The following SMAD4 variants were observed in gnomAD, a reference collection of about 807,000 sequenced individuals.
The protein encoded by SMAD4 is MAD homolog 4.
In SMAD4, 7 loss-of-function variants were observed where a neutral mutation model predicts 63.2. The ratio of observed to expected loss-of-function variants is 0.11; its 90% CI spans 0.06 to 0.21. The LOEUF is 0.21. SMAD4 is among the 10% of genes least tolerant of loss of function. The pLI is 1.00. For missense variants in SMAD4, 312 were observed against 693.8 expected, an observed-to-expected ratio of 0.45 and a Z score of 6.18; for synonymous variants, 215 against 235.4, an observed-to-expected ratio of 0.91 and a Z score of 0.79.
At chr18:51,039,673 A>G (rs1909316542) in intron 1 of SMAD4, among the ~76,000 whole-genome samples, 1 of 152,112 alleles carries the variant, frequency 6.6e-6, no homozygotes, top group Non-Finnish European at 1.5e-5. Context: ...GCTGTTTTAC[A>G]AATGGAGAAA....
chr18:51,043,862 G>T (rs539481503), intron 1 of SMAD4, among the ~76,000 whole-genome samples: 32 of 152,294 alleles, frequency 2.1e-4, no homozygotes, highest in African/African-American at 7.2e-4. Flanking sequence ...AAAAGTGTCT[G>T]CACTCTTCTA....
intron 8 of SMAD4, among the ~76,000 whole-genome samples, chr18:51,063,465 T>G (rs1910071527): frequency 6.6e-6 from 1 of 152,078 alleles, no homozygotes; most frequent in Non-Finnish European, 1.5e-5. Flanking sequence ...TGGGCTGGAG[T>G]GCAGTGGCAC....
At chr18:51,034,679 C>G (rs1466443764) in intron 1 of SMAD4, among the ~76,000 whole-genome samples, 1 of 152,162 alleles carries the variant, frequency 6.6e-6, no homozygotes, top group Non-Finnish European at 1.5e-5. Flanking sequence ...GTAGCTGGGA[C>G]TACAGGCACA....
At chr18:51,033,282 C>T (rs1170511506) in intron 1 of SMAD4, among the ~76,000 whole-genome samples, 4 of 151,560 alleles carry the variant, frequency 2.6e-5, no homozygotes, top group Admixed American at 6.6e-5. Flanking sequence ...CCCCGCCTTC[C>T]GGGTTCAAGC....
At chr18:51,073,388 T>TATATACATACAC (rs1417299090) in intron 10 of SMAD4, among the ~76,000 whole-genome samples, 2 of 64,186 alleles carry the variant, frequency 3.1e-5, no homozygotes, top group African/African-American at 1.5e-4. Context: ...TATATATATA[T>TATATACATACAC]ACACACACAC....
chr18:51,058,005 C>T, intron 5 of SMAD4, 120 bp from the exon 6 acceptor site: 1 of 1,189,284 alleles, frequency 8.4e-7, no homozygotes, highest in Non-Finnish European at 1.2e-6. Flanking sequence ...GGGTGAGTTA[C>T]ACTTTTTGCC....
chr18:51,047,354 C>T (rs918204189), intron 2 of SMAD4, 59 bp downstream of exon 2: 19 of 1,501,136 alleles, frequency 1.3e-5, no homozygotes, highest in African/African-American at 5.5e-5. Flanking sequence ...AAACTTGCTA[C>T]GTTTCCTTTC....
At chr18:51,052,328 C>G (rs1909733710) in intron 4 of SMAD4, 2 of 152,518 alleles carry the variant, frequency 1.3e-5, no homozygotes, top group African/African-American at 2.4e-5. Flanking sequence ...GGTGAAGGAA[C>G]TTGCCCAAGA....
intron 1 of SMAD4, among the ~76,000 whole-genome samples, chr18:51,034,589 G>A (rs1171091114): frequency 6.6e-6 from 1 of 150,724 alleles, no homozygotes; most frequent in Non-Finnish European, 1.5e-5. Flanking sequence ...CAGTGCCCCA[G>A]CCTGGAGTAC....
Position 51,048,879 on chromosome 18 carries a change from C to A in SMAD4, c.424+19C>A, listed in dbSNP as rs1004249434. The A allele has an allele frequency of 5.6e-6, 9 of 1,601,522 alleles. No homozygotes were observed. Among genetic ancestry groups the A allele is most frequent in the Non-Finnish European group, 7.7e-6 (9 of 1,170,318 alleles). On this transcript the variant is annotated intron_variant, in intron 3 of 11. Coordinates refer to ENST00000342988, the MANE Select transcript of SMAD4 (RefSeq NM_005359.6). ...GGAATTGGTAAGTAGACTTTGCTTT[C>A]ATCCTAAGAAACATAAAGGGAAAAG...
chr18:51,059,490 A>G (rs1252172840), intron 7 of SMAD4, among the ~76,000 whole-genome samples: 1 of 152,222 alleles, frequency 6.6e-6, no homozygotes, highest in Non-Finnish European at 1.5e-5. Flanking sequence ...TCCTTAATTA[A>G]CATAAGCACT....
intron 5 of SMAD4, among the ~76,000 whole-genome samples, chr18:51,057,393 A>G (rs1909873929): frequency 6.6e-6 from 1 of 152,226 alleles, no homozygotes; most frequent in African/African-American, 2.4e-5. Flanking sequence ...ATACAAGCCA[A>G]GAGAAGCTTG....
At chr18:51,076,155 C>T (rs760657434) in intron 10 of SMAD4, among the ~76,000 whole-genome samples, 12 of 152,098 alleles carry the variant, frequency 7.9e-5, no homozygotes, top group African/African-American at 1.2e-4. Context: ...GCTTAAAGTA[C>T]GCATCTCTGA....
At chr18:51,043,374 G>A (rs1909446113) in intron 1 of SMAD4, among the ~76,000 whole-genome samples, 1 of 152,104 alleles carries the variant, frequency 6.6e-6, no homozygotes, top group Admixed American at 6.5e-5. Flanking sequence ...AGTTGTCAGG[G>A]CAGGTGTTTC....
chr18:51,066,751 A>G lies in SMAD4; in HGVS notation c.1140-268A>G, dbSNP rs923325100. The stretch of plus-strand genomic sequence containing the variant: ...AGTTTCTTTATCTAAAAAAATTAGA[A>G]TAATAGTACTTGTTGAGTTGTAAGG... On this transcript the variant is annotated intron_variant, in intron 9 of 11. Transcript: ENST00000342988. 7 of 354,694 alleles carry G rather than the reference A, an allele frequency of 2.0e-5. No individual in the cohort carries two copies. The Admixed American group carries it at 2.5e-4, about 13-fold the overall frequency. 22.0% of individuals were successfully genotyped at this position (354,694 alleles called of 1,614,324 possible).
chr18:51,032,047 G>A (rs906091643), intron 1 of SMAD4, among the ~76,000 whole-genome samples: 3 of 152,114 alleles, frequency 2.0e-5, no homozygotes, highest in Non-Finnish European at 4.4e-5. Context: ...TTACTTAAAT[G>A]GGTTTGTTAC....
chr18:51,030,951 G>T (rs1909030504), intron 1 of SMAD4, among the ~76,000 whole-genome samples: 2 of 152,210 alleles, frequency 1.3e-5, no homozygotes, highest in African/African-American at 4.8e-5. Flanking sequence ...CCCCGGCTGA[G>T]CGCGTTGGGT....
chr18:51,048,513 A>G (rs968156227), intron 2 of SMAD4, among the ~76,000 whole-genome samples, 173 bp from the exon 3 acceptor site: 9 of 152,230 alleles, frequency 5.9e-5, no homozygotes, highest in African/African-American at 2.2e-4. Context: ...CAAGGTTTAA[A>G]TTCTAGGTCT....
Position 51,073,181 on chromosome 18 carries a change from G to T in SMAD4, c.1309-3457G>T, listed in dbSNP as rs1910362494. On this transcript the variant is annotated intron_variant, in intron 10 of 11. Coordinates refer to ENST00000342988, the MANE Select transcript of SMAD4 (RefSeq NM_005359.6). ...AATATGTGCTGCTGATGTTAGCATA[G>T]ATTCAGGCTGAAACAATCCTAATTG... is the stretch of plus-strand genomic sequence containing the variant. Among the ~76,000 whole-genome samples, 4 of 151,688 alleles carry T rather than the reference G, an allele frequency of 2.6e-5. No homozygotes were observed. In the South Asian group the frequency reaches 8.3e-4, roughly 31 times the overall value.
Sources: gnomAD v4.1 joint callset for allele counts (sites outside exome capture counted in the v4.1 genomes callset) on GRCh38, gnomAD v4.1.1 for gene constraint, MANE v1.5 for transcripts, NCBI Gene and HGNC (gene_info 2026-07-23, HGNC 2026-07-21) for gene names.